Variants in CD8A observed in about 807,000 individuals in gnomAD.
CD8A encodes the protein T-cell surface glycoprotein CD8 alpha chain.
In CD8A, 25 loss-of-function variants were observed where a neutral mutation model predicts 24.2. The observed-to-expected ratio is 1.03, with a 90% CI of 0.75 to 1.44. The LOEUF is 1.44. Among genes scored for constraint, CD8A ranks in the 40% most tolerant of loss-of-function variants. The pLI is 0.00. For missense variants in CD8A, 360 were observed against 319.7 expected (o/e 1.13, Z -0.96); for synonymous variants, 165 against 149.9 (o/e 1.10, Z -0.74).
chr2:86,790,978 C>T (rs1463978635), upstream of CD8A: 1 of 802,120 alleles, frequency 1.2e-6, no homozygotes, highest in Non-Finnish European at 2.1e-6. Context: ...CCGAAGCCCC[C>T]GCCGAGGAGA....
intron 2 of CD8A, among the ~76,000 whole-genome samples, chr2:86,804,172 A>G (rs1303304790): frequency 2.0e-5 from 3 of 152,186 alleles, no homozygotes; most frequent in Non-Finnish European, 2.9e-5. Flanking sequence ...TGTTGTATAT[A>G]CCTTATATAT....
intron 3 of CD8A, among the ~76,000 whole-genome samples, chr2:86,801,223 C>T (rs972006502): frequency 5.9e-5 from 9 of 152,214 alleles, no homozygotes; most frequent in African/African-American, 2.2e-4. Context: ...AATACAGCAA[C>T]TAATAGATCA....
chr2:86,787,037 A>AAAAG (rs1410563509), intron 5 of CD8A, among the ~76,000 whole-genome samples: 2 of 139,388 alleles, frequency 1.4e-5, no homozygotes, highest in Non-Finnish European at 3.1e-5. Flanking sequence ...AAAAAAAAAA[A>AAAAG]AAAGAAAAGA....
chr2:86,798,944 TTC>T (rs1286295337), intron 3 of CD8A, among the ~76,000 whole-genome samples: 1 of 152,262 alleles, frequency 6.6e-6, no homozygotes, highest in Non-Finnish European at 1.5e-5. Context: ...TAATTTTATT[TTC>T]TGAGAGTTTC....
chr2:86,799,940 T>C (rs1465489429), intron 3 of CD8A, among the ~76,000 whole-genome samples: 2 of 88,576 alleles, frequency 2.3e-5, no homozygotes, highest in African/African-American at 4.0e-5. Context: ...ATCAGAATTC[T>C]TTTTTTTTTT....
intron 2 of CD8A, among the ~76,000 whole-genome samples, chr2:86,804,325 C>T (rs1436565772): frequency 1.3e-5 from 2 of 151,980 alleles, no homozygotes; most frequent in African/African-American, 4.8e-5. Context: ...AAGCCAGTCA[C>T]AAAAAACCAA....
At position 86,798,428 on chromosome 2, in the gene CD8A, G is replaced by T. The variant is rs568098060; in HGVS notation, c.-271+3083C>A. Among the ~76,000 whole-genome samples, 37 of 152,242 alleles carry T rather than the reference G, an allele frequency of 2.4e-4. No individual in the cohort carries two copies. The South Asian group carries it at 7.5e-3, about 31-fold the overall frequency. On this transcript the variant is annotated intron_variant, in intron 3 of 8. Transcript: ENST00000409511. ...AACCTCAGGTGATCCACCTGCCTCA[G>T]CCTCCCAAAGTGCTGGGATTACAGG...
upstream of CD8A, chr2:86,791,370 C>T (rs1408348169): frequency 2.6e-6 from 1 of 378,070 alleles, no homozygotes; most frequent in Non-Finnish European, 5.2e-6. Flanking sequence ...CTAGAGCAGC[C>T]CCAGTTTTCA....
intron 1 of CD8A, 41 bp downstream of exon 1, chr2:86,790,736 G>GCCCCCCCC: frequency 1.1e-5 from 7 of 658,484 alleles, no homozygotes; most frequent in Non-Finnish European, 1.6e-5. Context: ...CCCGCCCCCC[G>GCCCCCCCC]CCCGCCCCAT....
At position 86,800,634 on chromosome 2, in the gene CD8A, G is replaced by T. The variant is rs180855063; in HGVS notation, c.-271+877C>A. On this transcript the variant is annotated intron_variant, in intron 3 of 8. Coordinates refer to the CD8A transcript ENST00000409511. ...ATTGATGGCTACTTGGTAGGCTTCG[G>T]TAAAACCTAGTTTAGGGCTTCCAAA... Among the ~76,000 whole-genome samples the T allele has an allele frequency of 2.0e-5, 3 of 152,182 alleles. No individual in the cohort carries two copies. In the East Asian group the frequency reaches 5.8e-4, roughly 29 times the overall value.
chr2:86,787,019 C>CAAAAAAAAA, intron 5 of CD8A, among the ~76,000 whole-genome samples: 7 of 36,534 alleles, frequency 1.9e-4, no homozygotes, highest in African/African-American at 6.5e-4. Context: ...GACTCCGTCT[C>CAAAAAAAAA]AAAAAAAAAA....
Position 86,789,646 on chromosome 2 carries a change from C to T in CD8A, c.508G>A (p.Gly170Ser). 3 of 1,483,274 alleles carry T rather than the reference C, an allele frequency of 2.0e-6. No homozygotes were observed. Among genetic ancestry groups the T allele is most frequent in the South Asian group, 1.3e-5 (1 of 76,424 alleles). 91.9% of individuals were successfully genotyped at this position (1,483,274 alleles called of 1,614,324 possible). A position where few individuals can be genotyped will look rare whatever the true frequency, so the allele number is the denominator to read the frequency against. ...RPEACRPAAGGAVHTRGLDFA... is the reference protein window; with the variant it reads ...RPEACRPAAGSAVHTRGLDFA... ...GGGCCCCCGCACGCCTCACCTGCGC[C>T]CCCCGCCGCTGGCCGGCACGCCTCT... The change falls in exon 3 of 6, where the codon GGC becomes AGC. Residue 170 changes from glycine (G) to serine (S), a missense_variant. Physicochemically the swap from Gly to Ser is moderately conservative, Grantham distance 56. Coordinates refer to ENST00000283635, the MANE Select transcript of CD8A (RefSeq NM_001768.7).
intron 5 of CD8A, among the ~76,000 whole-genome samples, chr2:86,788,304 A>C (rs1673108442): frequency 7.2e-6 from 1 of 139,326 alleles, no homozygotes; most frequent in Non-Finnish European, 1.5e-5. Context: ...TACTGGAGTC[A>C]CACTGCTGTT....
At chr2:86,791,610 A>C (rs1378276990), upstream of CD8A, 4 of 454,136 alleles carry the variant, frequency 8.8e-6, no homozygotes, top group Admixed American at 4.7e-5. Context: ...AAAAATTATT[A>C]TTCTCACAAA....
chr2:86,799,584 A>C (rs573547815), intron 3 of CD8A, among the ~76,000 whole-genome samples: 1 of 151,280 alleles, frequency 6.6e-6, no homozygotes, highest in East Asian at 1.9e-4. Flanking sequence ...GTGAAACCCC[A>C]TCTCTACCAA....
At chr2:86,789,868 G>T (rs1390299924) in intron 2 of CD8A, 118 bp from the exon 3 acceptor site, 7 of 597,030 alleles carry the variant, frequency 1.2e-5, no homozygotes, top group Non-Finnish European at 1.9e-5. Flanking sequence ...TGGGAGAAGG[G>T]ATAGCAGAGG....
intron 3 of CD8A, among the ~76,000 whole-genome samples, chr2:86,798,326 C>A (rs1486233806): frequency 6.6e-6 from 1 of 151,898 alleles, no homozygotes; most frequent in Non-Finnish European, 1.5e-5. Flanking sequence ...CAGGCATGCA[C>A]CACCACGTCC....
chr2:86,789,612 C>T, intron 3 of CD8A, 28 bp downstream of exon 3: 1 of 1,458,328 alleles, frequency 6.9e-7, no homozygotes, highest in Non-Finnish European at 9.2e-7. Context: ...TGCGTGCCGC[C>T]CCCGCCCCGG....
At chr2:86,790,216 A>G in intron 2 of CD8A, 112 bp downstream of exon 2, 1 of 802,728 alleles carries the variant, frequency 1.2e-6, no homozygotes, top group Non-Finnish European at 2.2e-6. Flanking sequence ...AACAGTATCT[A>G]AGTCGCTTCC....
Sources: gnomAD v4.1 joint callset for allele counts (sites outside exome capture counted in the v4.1 genomes callset) on GRCh38, gnomAD v4.1.1 for gene constraint, MANE v1.5 for transcripts, NCBI Gene and HGNC (gene_info 2026-07-23, HGNC 2026-07-21) for gene names.